Variants in MEIS1 observed in about 807,000 individuals in gnomAD.
MEIS1 encodes the protein Meis homeobox 1.
A neutral mutation model predicts 50.8 loss-of-function variants in MEIS1; 5 were observed. The ratio of observed to expected loss-of-function variants is 0.10; its 90% CI spans 0.05 to 0.21. The LOEUF is 0.21. MEIS1 is among the 10% of genes least tolerant of loss of function. The pLI is 1.00. For synonymous variants in MEIS1, 176 were observed against 179.3 expected, an observed-to-expected ratio of 0.98 and a Z score of 0.15; for missense variants, 318 against 517.3, an observed-to-expected ratio of 0.61 and a Z score of 3.74.
chr2:66,541,624 A>C (rs1674655034), intron 8 of MEIS1, among the ~76,000 whole-genome samples: 2 of 152,312 alleles, frequency 1.3e-5, no homozygotes, highest in African/African-American at 4.8e-5. Flanking sequence ...AACGCTAAAC[A>C]AAAAATGGAG....
chr2:66,473,782 T>G (rs1183399076), intron 7 of MEIS1, among the ~76,000 whole-genome samples: 1 of 152,102 alleles, frequency 6.6e-6, no homozygotes, highest in Non-Finnish European at 1.5e-5. Context: ...AACTTAAGTG[T>G]CAGAAGTTAA....
chr2:66,528,261 G>A (rs1476827854), intron 8 of MEIS1, among the ~76,000 whole-genome samples: 1 of 152,104 alleles, frequency 6.6e-6, no homozygotes. Flanking sequence ...GCTGTCTGGA[G>A]GAAAAACCTA....
chr2:66,487,218 T>A (rs1673164409), intron 7 of MEIS1, among the ~76,000 whole-genome samples: 2 of 152,200 alleles, frequency 1.3e-5, no homozygotes, highest in Admixed American at 1.3e-4. Flanking sequence ...CTACATATCA[T>A]TTTTTAGCAT....
chr2:66,473,412 A>G lies in MEIS1; in HGVS notation c.742+9192A>G, dbSNP rs375559449. Among the ~76,000 whole-genome samples the G allele has an allele frequency of 6.7e-4, 95 of 142,020 alleles. 2 individuals carry two copies. The highest frequency in any genetic ancestry group is 2.4e-3 in the African/African-American group (88 of 36,242). The allele number at this position is 142,020 out of a possible 152,430, so 93.2% of individuals were successfully genotyped here. ...AAAAAAAAAAAATATATATATATAT[A>G]TATATAGTAATATAAGTGCTCTGTT... is the stretch of plus-strand genomic sequence containing the variant. On this transcript the variant is annotated intron_variant, in intron 7 of 12. Transcript: ENST00000272369.
chr2:66,444,350 C>G (rs1183024014), intron 6 of MEIS1, among the ~76,000 whole-genome samples: 3 of 152,176 alleles, frequency 2.0e-5, no homozygotes, highest in Non-Finnish European at 2.9e-5. Context: ...CCTTGTCGAG[C>G]GCCTGACGCC....
chr2:66,567,391 C>G, intron 9 of MEIS1, 62 bp from the exon 10 acceptor site: 1 of 1,540,604 alleles, frequency 6.5e-7, no homozygotes, highest in Non-Finnish European at 8.9e-7. Flanking sequence ...ATCTTTTCCT[C>G]TTCCTCAACC....
At chr2:66,503,260 G>A (rs980832161) in intron 7 of MEIS1, among the ~76,000 whole-genome samples, 1 of 152,112 alleles carries the variant, frequency 6.6e-6, no homozygotes, top group African/African-American at 2.4e-5. Context: ...GAACCCTAGG[G>A]ATGAACACCC....
At chr2:66,477,669 C>G (rs1039077229) in intron 7 of MEIS1, among the ~76,000 whole-genome samples, 22 of 152,200 alleles carry the variant, frequency 1.4e-4, no homozygotes, top group African/African-American at 5.3e-4. Flanking sequence ...CATCAGTTTA[C>G]TGCTCTGAAA....
chr2:66,502,064 C>A (rs541537450), intron 7 of MEIS1, among the ~76,000 whole-genome samples: 1 of 152,238 alleles, frequency 6.6e-6, no homozygotes, highest in African/African-American at 2.4e-5. Context: ...GGGTGGAAAT[C>A]CCTGACTTAT....
chr2:66,443,139 T>G (rs1672040510), intron 6 of MEIS1, 91 bp downstream of exon 6: 4 of 1,370,716 alleles, frequency 2.9e-6, no homozygotes, highest in Non-Finnish European at 3.9e-6. Flanking sequence ...TTTTATTATT[T>G]GCATATGATT....
intron 7 of MEIS1, among the ~76,000 whole-genome samples, chr2:66,484,961 A>G (rs919642272): frequency 6.6e-6 from 1 of 152,190 alleles, no homozygotes; most frequent in East Asian, 1.9e-4. Flanking sequence ...AGGATGGTAC[A>G]TAGAAAATTT....
chr2:66,492,285 T>G (rs1448758330), intron 7 of MEIS1, among the ~76,000 whole-genome samples: 1 of 151,910 alleles, frequency 6.6e-6, no homozygotes, highest in Non-Finnish European at 1.5e-5. Context: ...TAGACACAAC[T>G]CCACATGTTC....
chr2:66,439,877 G>A lies in MEIS1; in HGVS notation c.274G>A (p.Glu92Lys). Residue 92 changes from glutamate (E) to lysine (K), a missense_variant, in exon 3 of 13, where the codon GAG (glutamate) becomes AAG (lysine). Around this residue, in one of 6 missense-constraint regions of MEIS1, gnomAD observed 75 missense variants for 153.7 expected, o/e 0.49. Coordinates refer to ENST00000272369, the MANE Select transcript of MEIS1 (RefSeq NM_002398.3). ...CTTCCCTCTCTTAGCACTGATTTTTGAGAAATGTGAATTAGCTACTTGTAC... is the reference window on the plus strand; with the variant it reads ...CTTCCCTCTCTTAGCACTGATTTTTAAGAAATGTGAATTAGCTACTTGTAC... ...PLFPLLALIFEKCELATCTPR... is the reference protein window; with the variant it reads ...PLFPLLALIFKKCELATCTPR... 6.2e-7 allele frequency: 1 copy of A among 1,613,404 alleles called. No homozygotes were observed.
At chr2:66,513,508 G>T (rs1238877982) in intron 8 of MEIS1, among the ~76,000 whole-genome samples, 1 of 151,794 alleles carries the variant, frequency 6.6e-6, no homozygotes, top group Non-Finnish European at 1.5e-5. Context: ...GATAGAGGCT[G>T]TGCCTCTAAT....
At chr2:66,456,259 C>CACACACACACACACACACAG (rs1468848729) in intron 6 of MEIS1, among the ~76,000 whole-genome samples, 4 of 151,700 alleles carry the variant, frequency 2.6e-5, no homozygotes, top group African/African-American at 9.7e-5. Context: ...CACACACACA[C>CACACACACACACACACACAG]ACGTTTATTT....
chr2:66,561,617 C>G (rs1342587831), intron 9 of MEIS1, among the ~76,000 whole-genome samples: 1 of 152,172 alleles, frequency 6.6e-6, no homozygotes, highest in Non-Finnish European at 1.5e-5. Flanking sequence ...TTATTATAAT[C>G]AGCACTTCCC....
intron 4 of MEIS1, 147 bp downstream of exon 4, chr2:66,440,759 C>T: frequency 1.7e-6 from 1 of 606,032 alleles, no homozygotes; most frequent in Middle Eastern, 4.5e-4. Flanking sequence ...TGTACACGGA[C>T]AACTGGTCCG....
At chr2:66,439,675 A>G in intron 2 of MEIS1, 168 bp from the exon 3 acceptor site, 2 of 1,539,714 alleles carry the variant, frequency 1.3e-6, no homozygotes, top group Non-Finnish European at 1.7e-6. Context: ...AGGGGAGGTG[A>G]GCGGTCACCT....
intron 6 of MEIS1, among the ~76,000 whole-genome samples, chr2:66,456,942 C>T (rs548439151): frequency 3.9e-5 from 6 of 152,284 alleles, no homozygotes; most frequent in Non-Finnish European, 7.4e-5. Flanking sequence ...TGCTATTTCA[C>T]GTCCATATCA....
Sources: gnomAD v4.1 joint callset for allele counts (sites outside exome capture counted in the v4.1 genomes callset) on GRCh38, gnomAD v4.1.1 for gene constraint, gnomAD v4.1.1 regional missense constraint, MANE v1.5 for transcripts, NCBI Gene and HGNC (gene_info 2026-07-23, HGNC 2026-07-21) for gene names.